OGFOD1: variants seen among roughly 807,000 people sequenced by gnomAD.
The protein encoded by OGFOD1 is prolyl 3-hydroxylase OGFOD1.
Under a neutral mutation model 67.7 loss-of-function variants are expected in OGFOD1, and 54 were observed. The ratio of observed to expected loss-of-function variants is 0.80; its 90% confidence interval spans 0.64 to 1.00. The LOEUF (loss-of-function observed/expected upper bound fraction) is 1.00, where lower values mean the gene tolerates loss of function less well. OGFOD1 is among the 50% of genes least tolerant of loss of function. OGFOD1 has a pLI of 0.00. For missense variants in OGFOD1, 606 were observed against 646.7 expected (o/e 0.94, Z 0.68); for synonymous variants, 221 against 227.0 (o/e 0.97, Z 0.24).
At chr16:56,458,765 G>A in intron 3 of OGFOD1, 171 bp downstream of exon 3, 1 of 592,030 alleles carries the variant, frequency 1.7e-6, no homozygotes, top group Non-Finnish European at 3.0e-6. Flanking sequence ...AAAATTAAGG[G>A]AGCTAGCATA....
At chr16:56,453,529 C>T in intron 2 of OGFOD1, 121 bp downstream of exon 2, 1 of 910,462 alleles carries the variant, frequency 1.1e-6, no homozygotes, top group Non-Finnish European at 1.7e-6. Context: ...CTTGCATTGA[C>T]ATTCTTAAGA....
chr16:56,470,099 G>A lies in OGFOD1; in HGVS notation c.980+17G>A, dbSNP rs139676909. 1.2e-6 allele frequency: 2 copies of A among 1,607,888 alleles called. No individual in the cohort carries two copies. Among genetic ancestry groups the A allele is most frequent in the East Asian group, 2.2e-5 (1 of 44,862 alleles). On this transcript the variant is annotated intron_variant, in intron 9 of 12. Coordinates refer to ENST00000566157, the MANE Select transcript of OGFOD1 (RefSeq NM_018233.4). ...TAACAAAAGGTAGAACCCGTCATCT[G>A]AGATATTTGCTTCTACATTCAGCAC... is the stretch of plus-strand genomic sequence containing the variant.
chr16:56,475,975 A>C lies in OGFOD1; in HGVS notation c.1468-69A>C. 2.9e-6 allele frequency: 4 copies of C among 1,391,616 alleles called. No homozygotes were observed. The South Asian group carries it at 5.2e-5, about 18-fold the overall frequency. 86.2% of individuals were successfully genotyped at this position (1,391,616 alleles called of 1,614,324 possible). Reference sequence around the variant, plus strand: ...GCTTGATATGGAAACCATCTGTTCCATGGTTAATCATCCAAGATTTGAGAA... The same window carrying C: ...GCTTGATATGGAAACCATCTGTTCCCTGGTTAATCATCCAAGATTTGAGAA... On this transcript the variant is annotated intron_variant, in intron 12 of 12. Transcript: ENST00000566157.
In OGFOD1 at chr16:56,451,717, GA is replaced by G; in HGVS notation, c.110del (p.Lys37SerfsTer29). ...CGGACGCTGTTACGGAAGAAACCTT[GA>G]AAAAGCAGGTGGCTGAGGCCTGGAG... Reference protein sequence around the residue: ...FSDAVTEETLKKQVAEAWSRR... With the variant: ...FSDAVTEETLXKQVAEAWSRR... On this transcript the variant is annotated frameshift_variant, in exon 1 of 13. Coordinates refer to ENST00000566157, the MANE Select transcript of OGFOD1 (RefSeq NM_018233.4). LOFTEE classifies it high-confidence loss of function. 1 of 1,613,910 alleles carries G rather than the reference GA, an allele frequency of 6.2e-7. No individual in the cohort carries two copies. Among genetic ancestry groups the G allele is most frequent in the Non-Finnish European group, 8.5e-7 (1 of 1,179,992 alleles).
chr16:56,466,718 A>G, intron 5 of OGFOD1, 158 bp from the exon 6 acceptor site: 1 of 668,584 alleles, frequency 1.5e-6, no homozygotes, highest in Non-Finnish European at 2.7e-6. Flanking sequence ...CACGTAGTCA[A>G]ACTCGCAAGT....
chr16:56,470,032 C>A lies in OGFOD1; in HGVS notation c.930C>A (p.Ala310=). ...KPEKFTKVCE[A]LEHGHVEWSS... ...AGAAATTCACGAAAGTCTGTGAGGC[C>A]TTGGAGCATGGACATGTGGAATGGA... The change falls in exon 9 of 13, where the codon GCC becomes GCA. Residue 310 remains alanine (A), a synonymous_variant. Coordinates refer to ENST00000566157, the MANE Select transcript of OGFOD1 (RefSeq NM_018233.4). 1 of 1,614,054 alleles carries A rather than the reference C, an allele frequency of 6.2e-7. No homozygotes were observed.
chr16:56,455,704 T>A (rs1261995077), intron 2 of OGFOD1, among the ~76,000 whole-genome samples: 2 of 152,204 alleles, frequency 1.3e-5, no homozygotes, highest in African/African-American at 4.8e-5. Flanking sequence ...TCTGTATTTT[T>A]TAAAGCAAGC....
intron 7 of OGFOD1, 78 bp downstream of exon 7, chr16:56,467,371 C>T (rs1418596466): frequency 1.5e-5 from 22 of 1,493,810 alleles, no homozygotes; most frequent in Non-Finnish European, 1.9e-5. Context: ...ATTAGCTGTT[C>T]CATTTAATGA....
rs180948016 is a variant in OGFOD1 at position 56,455,147 on chromosome 16, C to G, written c.300+1739C>G. Among the ~76,000 whole-genome samples, 206 of 152,298 alleles carry G rather than the reference C, an allele frequency of 1.4e-3. 2 individuals carry two copies. Among genetic ancestry groups the G allele is most frequent in the Admixed American group, 0.012 (189 of 15,300 alleles). ...CTTTGGGAGGCTGAGGCGGGCAGAT[C>G]ACAAGGTCAGGAGATGGAGACCATC... On this transcript the variant is annotated intron_variant, in intron 2 of 12. Coordinates refer to ENST00000566157, the MANE Select transcript of OGFOD1 (RefSeq NM_018233.4).
At chr16:56,459,212 T>C (rs1010638713) in intron 3 of OGFOD1, among the ~76,000 whole-genome samples, 1 of 151,948 alleles carries the variant, frequency 6.6e-6, no homozygotes, top group African/African-American at 2.4e-5. Context: ...CGGTGGCACA[T>C]GCCTGTAATC....
intron 2 of OGFOD1, chr16:56,458,299 A>G: frequency 2.1e-6 from 1 of 478,756 alleles, no homozygotes. Flanking sequence ...TATCTCCCTC[A>G]ATGGGCATAG....
chr16:56,470,908 C>A, intron 10 of OGFOD1, 117 bp downstream of exon 10: 2 of 1,038,680 alleles, frequency 1.9e-6, no homozygotes, highest in Non-Finnish European at 1.4e-6. Context: ...ATTTCAGGAA[C>A]TGAAGGACAA....
At position 56,467,872 on chromosome 16, in the gene OGFOD1, A is replaced by T. The variant is rs769389845; in HGVS notation, c.787-33A>T. ...AGAGCAAAAGCAATAGGAATTATTAACTCACATTTTGCATCTGCTGCCTCT... is the reference window on the plus strand; with the variant it reads ...AGAGCAAAAGCAATAGGAATTATTATCTCACATTTTGCATCTGCTGCCTCT... On this transcript the variant is annotated intron_variant, in intron 7 of 12. Coordinates refer to ENST00000566157, the MANE Select transcript of OGFOD1 (RefSeq NM_018233.4). The T allele has an allele frequency of 3.1e-5, 30 of 965,646 alleles. 1 individual carries two copies. The South Asian group carries it at 3.9e-4, about 12-fold the overall frequency. 59.8% of individuals were successfully genotyped at this position (965,646 alleles called of 1,614,324 possible).
rs780707656 is a variant in OGFOD1, at chr16:56,466,272, A to G, written c.565+4A>G. ...CTGGACCTGTACAGCATTGATGGTA[A>G]GATAAGTATAAGTGCATGCACTTCA... On this transcript the variant is annotated splice_donor_region_variant and intron_variant, in intron 5 of 12. Coordinates refer to ENST00000566157, the MANE Select transcript of OGFOD1 (RefSeq NM_018233.4). 3.2e-6 allele frequency: 5 copies of G among 1,584,288 alleles called. No individual in the cohort carries two copies. The highest frequency in any genetic ancestry group is 4.3e-6 in the Non-Finnish European group (5 of 1,152,970).
At chr16:56,466,116 C>A (rs762039131) in intron 4 of OGFOD1, 36 bp from the exon 5 acceptor site, 2 of 1,476,464 alleles carry the variant, frequency 1.4e-6, no homozygotes, top group Middle Eastern at 1.8e-4. Flanking sequence ...TGGTCACTAT[C>A]TGCAGGGATC....
rs984647604 is a variant in OGFOD1, at chr16:56,479,011, T to G, written c.*2806T>G. The G allele has an allele frequency of 3.3e-5, 5 of 152,242 alleles. No individual in the cohort carries two copies. Among genetic ancestry groups the G allele is most frequent in the East Asian group, 1.9e-4 (1 of 5,202 alleles). The allele number at this position is 152,242 out of a possible 1,614,324, so 9.4% of individuals were successfully genotyped here. A position where few individuals can be genotyped will look rare whatever the true frequency, so the allele number is the denominator to read the frequency against. On this transcript the variant is annotated 3_prime_UTR_variant, in exon 13 of 13. Transcript: ENST00000566157. The stretch of plus-strand genomic sequence containing the variant: ...ATTGCTTTTTAGGGCCTGGGGCCAA[T>G]GTCAACAACTCTTAGGTAGCAAAAG...
intron 5 of OGFOD1, 71 bp downstream of exon 5, chr16:56,466,339 A>G: frequency 1.0e-6 from 1 of 965,694 alleles, no homozygotes; most frequent in Non-Finnish European, 1.7e-6. Context: ...TTGATTCAGT[A>G]TCATGTTTTT....
At chr16:56,475,395 G>C in intron 11 of OGFOD1, 112 bp from the exon 12 acceptor site, 1 of 959,528 alleles carries the variant, frequency 1.0e-6, no homozygotes, top group South Asian at 1.3e-5. Flanking sequence ...ACCAGTTACT[G>C]CTGAACTCCC....
chr16:56,459,932 A>G (rs1477408465), intron 3 of OGFOD1, among the ~76,000 whole-genome samples: 1 of 152,184 alleles, frequency 6.6e-6, no homozygotes, highest in African/African-American at 2.4e-5. Flanking sequence ...TAGTTTCTAT[A>G]ATGAATAGAT....
Sources: gnomAD v4.1 joint callset for allele counts (sites outside exome capture counted in the v4.1 genomes callset) on GRCh38, gnomAD v4.1.1 for gene constraint, MANE v1.5 for transcripts, NCBI Gene and HGNC (gene_info 2026-07-23, HGNC 2026-07-21) for gene names.